The following RNF17 variants were observed in gnomAD, a reference collection of about 807,000 sequenced individuals.
The protein encoded by RNF17 is spermatogenesis associated 23.
RNF17 carries 31 observed loss-of-function variants against 200.5 expected under a neutral mutation model. The observed-to-expected ratio is 0.15, with a 90% CI of 0.12 to 0.21. RNF17 has a LOEUF of 0.21. RNF17 is among the 10% of genes least tolerant of loss of function. The pLI, the probability that RNF17 is intolerant of heterozygous loss-of-function variation, is 1.00. For missense variants in RNF17, 1,628 were observed against 1,905.1 expected, an observed-to-expected ratio of 0.85 and a Z score of 2.71; for synonymous variants, 606 against 637.8, an observed-to-expected ratio of 0.95 and a Z score of 0.75.
intron 15 of RNF17, among the ~76,000 whole-genome samples, chr13:24,809,271 G>A (rs1235611397): frequency 8.0e-5 from 12 of 150,812 alleles, no homozygotes; most frequent in Non-Finnish European, 3.0e-5. Flanking sequence ...AATCCATCTG[G>A]TCCTGGACTC....
chr13:24,870,905 T>C (rs1042471050), intron 32 of RNF17, among the ~76,000 whole-genome samples, 166 bp downstream of exon 32: 4 of 152,246 alleles, frequency 2.6e-5, no homozygotes, highest in Admixed American at 2.6e-4. Context: ...GACTTCTTTC[T>C]CATTTTCTAG....
the RNF17 span, among the ~76,000 whole-genome samples, chr13:24,748,452 T>A: frequency 2.0e-5 from 3 of 152,108 alleles, no homozygotes; most frequent in Non-Finnish European, 4.4e-5. Flanking sequence ...AGTTCAATAG[T>A]GAATGTTCAA....
chr13:24,870,635 A>G lies in RNF17; in HGVS notation c.4343A>G (p.Asp1448Gly), dbSNP rs1246159331. The G allele has an allele frequency of 6.2e-7, 1 of 1,614,110 alleles. No individual in the cohort carries two copies. Among genetic ancestry groups the G allele is most frequent in the Admixed American group, 1.7e-5 (1 of 60,034 alleles). The change falls in exon 32 of 36, where the codon GAT (aspartate) becomes GGT (glycine). Residue 1448 changes from aspartate (D) to glycine (G), a missense_variant. By Grantham distance (94) the Asp-to-Gly change is moderately conservative. Around this residue, in one of 5 missense-constraint regions of RNF17, gnomAD observed 609 missense variants for 681.9 expected, o/e 0.89. Transcript: ENST00000255324. ...NQSNQHSDTD[D>G]SGVSGESESE... ...TCTAACCAGCATAGTGACACAGATG[A>G]TAGTGGAGTCAGCGGGGAATCAGAA...
intron 15 of RNF17, among the ~76,000 whole-genome samples, chr13:24,807,140 T>G (rs1461596349): frequency 2.0e-5 from 3 of 151,932 alleles, no homozygotes; most frequent in African/African-American, 7.3e-5. Flanking sequence ...GCAGCATGAT[T>G]TATAGTCCTT....
At chr13:24,777,549 C>T (rs191889280) in intron 3 of RNF17, among the ~76,000 whole-genome samples, 40 of 152,184 alleles carry the variant, frequency 2.6e-4, no homozygotes, top group South Asian at 6.2e-4. Flanking sequence ...CTAGAGAATG[C>T]AACTAACTTT....
intron 2 of RNF17, 81 bp downstream of exon 2, chr13:24,767,447 C>T (rs1196715214): frequency 9.8e-7 from 1 of 1,017,670 alleles, no homozygotes; most frequent in Non-Finnish European, 1.5e-6. Flanking sequence ...AAACGTACTT[C>T]TAGTTAGAAA....
Position 24,868,801 on chromosome 13 carries a change from C to T in RNF17, c.4278+85C>T, listed in dbSNP as rs565752310. ...ACACTATAAGTGACTCTTCACTTCT[C>T]TATTTTCCTGATTTCAAATGTTGCA... On this transcript the variant is annotated intron_variant, in intron 31 of 35. Coordinates refer to ENST00000255324, the MANE Select transcript of RNF17 (RefSeq NM_031277.3). 1.2e-5 allele frequency: 9 copies of T among 753,310 alleles called. No individual in the cohort carries two copies. In the South Asian group the frequency reaches 1.4e-4, roughly 12 times the overall value. The allele number at this position is 753,310 out of a possible 1,614,324, so 46.7% of individuals were successfully genotyped here.
chr13:24,871,789 C>G (rs1013330534), intron 32 of RNF17, among the ~76,000 whole-genome samples: 1 of 151,770 alleles, frequency 6.6e-6, no homozygotes, highest in African/African-American at 2.4e-5. Context: ...CGCGCCACCA[C>G]GCCCAGCTAA....
the RNF17 span, among the ~76,000 whole-genome samples, chr13:24,754,895 T>TAA: frequency 7.3e-6 from 1 of 136,630 alleles, no homozygotes. Flanking sequence ...GACCCTGTCT[T>TAA]AAAAAAAAAA....
At chr13:24,789,581 A>C in intron 8 of RNF17, 117 bp from the exon 9 acceptor site, 1 of 920,348 alleles carries the variant, frequency 1.1e-6, no homozygotes, top group Non-Finnish European at 1.7e-6. Flanking sequence ...GTGCTAACTT[A>C]GAAAGTTATT....
chr13:24,778,360 C>T lies in RNF17; in HGVS notation c.383C>T (p.Ser128Leu), dbSNP rs1339202037. 2.5e-6 allele frequency: 4 copies of T among 1,613,736 alleles called. No individual in the cohort carries two copies. The part of the protein sequence containing the change: ...ADQLTTGLER[S>L]ASTDKTLLNS... ...CAGCTAACTACTGGTTTAGAACGTT[C>T]AGCCTCCACAGACAAGACTCTTTTG... The change falls in exon 4 of 36, where the codon TCA becomes TTA. Residue 128 changes from serine (S) to leucine (L), a missense_variant. Transcript: ENST00000255324.
At chr13:24,805,056 G>A (rs1193606904) in intron 15 of RNF17, among the ~76,000 whole-genome samples, 3 of 152,030 alleles carry the variant, frequency 2.0e-5, no homozygotes, top group Non-Finnish European at 4.4e-5. Context: ...GCTCTGAAAG[G>A]GTAGAACCAG....
intron 19 of RNF17, among the ~76,000 whole-genome samples, chr13:24,842,430 T>C (rs1009862337): frequency 2.0e-5 from 3 of 152,240 alleles, no homozygotes; most frequent in African/African-American, 7.2e-5. Flanking sequence ...TGCCGTCTTA[T>C]TTCTGCTTAG....
intron 16 of RNF17, chr13:24,826,023 A>G: frequency 4.1e-6 from 4 of 984,682 alleles, no homozygotes; most frequent in Non-Finnish European, 4.8e-6. Flanking sequence ...AGCAACAGAA[A>G]TTAATTATTC....
chr13:24,757,355 A>C, the RNF17 span, among the ~76,000 whole-genome samples: 1 of 140,212 alleles, frequency 7.1e-6, no homozygotes, highest in African/African-American at 2.7e-5. Flanking sequence ...GTGGAGTTTC[A>C]CTCTGTCACC....
rs1330219065 is a variant in RNF17, at chr13:24,796,394, TC to T, written c.1399+100del. 9.4e-6 allele frequency: 7 copies of T among 747,686 alleles called. No individual in the cohort carries two copies. The East Asian group carries it at 2.1e-4, about 23-fold the overall frequency. 46.3% of individuals were successfully genotyped at this position (747,686 alleles called of 1,614,324 possible). ...GACTTGTTATAATATAGATTTTTGC[TC>T]TAAGTTCATTTGTAGTAAGCATAAA... is the stretch of plus-strand genomic sequence containing the variant. On this transcript the variant is annotated intron_variant, in intron 11 of 35. Coordinates refer to ENST00000255324, the MANE Select transcript of RNF17 (RefSeq NM_031277.3).
At chr13:24,856,886 T>G (rs934099602) in intron 25 of RNF17, among the ~76,000 whole-genome samples, 2 of 152,230 alleles carry the variant, frequency 1.3e-5, no homozygotes. Flanking sequence ...TTTTATTCAC[T>G]GTACCCTATT....
At chr13:24,885,376 G>A in the RNF17 span, 1 of 1,611,428 alleles carries the variant, frequency 6.2e-7, no homozygotes. Flanking sequence ...TGGCTCCCTG[G>A]GAGAGGCAGC....
Position 24,798,748 on chromosome 13 carries a change from C to T in RNF17, c.1400-647C>T, listed in dbSNP as rs561909333. ...TTTCTGAGCTCATAGTAAGCATTCA[C>T]CTGTGGGCCTTTTTTTTTGTTTGTT... On this transcript the variant is annotated intron_variant, in intron 11 of 35. Coordinates refer to ENST00000255324, the MANE Select transcript of RNF17 (RefSeq NM_031277.3). Among the ~76,000 whole-genome samples the T allele has an allele frequency of 4.8e-5, 6 of 126,100 alleles. No homozygotes were observed. The East Asian group carries it at 1.5e-3, about 31-fold the overall frequency. 82.7% of individuals were successfully genotyped at this position (126,100 alleles called of 152,430 possible).
Sources: gnomAD v4.1 joint callset for allele counts (sites outside exome capture counted in the v4.1 genomes callset) on GRCh38, gnomAD v4.1.1 for gene constraint, gnomAD v4.1.1 regional missense constraint, MANE v1.5 for transcripts, NCBI Gene and HGNC (gene_info 2026-07-23, HGNC 2026-07-21) for gene names.